The following LIMCH1 variants were observed in gnomAD, a reference collection of about 807,000 sequenced individuals.
The protein encoded by LIMCH1 is LIM and calponin homology domains-containing protein 1.
A neutral mutation model predicts 176.5 loss-of-function variants in LIMCH1; 113 were observed. The ratio of observed to expected loss-of-function variants is 0.64; its 90% confidence interval spans 0.55 to 0.75. The LOEUF (loss-of-function observed/expected upper bound fraction) is 0.75, where lower values mean the gene tolerates loss of function less well. Ranked by LOEUF, LIMCH1 falls within the 30% of genes least tolerant of loss-of-function variation. The pLI is 0.00. For missense variants in LIMCH1, 1,674 were observed against 1,814.9 expected (o/e 0.92, Z 1.41); for synonymous variants, 619 against 645.9 (o/e 0.96, Z 0.63).
In LIMCH1 at chr4:41,631,248, T is replaced by G; in HGVS notation, c.1372T>G (p.Ser458Ala). The change falls in exon 10 of 32, where the codon TCT becomes GCT. Residue 458 changes from serine to alanine, a missense_variant. Physicochemically the swap from Ser to Ala is moderately conservative, Grantham distance 99. Transcript: ENST00000503057. ...CTTTGCCAACCGCAAAGCAAGGGCCTCTAAGAAAGCTTCCAGCCCCAGGCA... is the reference window on the plus strand; with the variant it reads ...CTTTGCCAACCGCAAAGCAAGGGCCGCTAAGAAAGCTTCCAGCCCCAGGCA... ...DDFANRKARA[S>A]KKASSPRQKF... The G allele has an allele frequency of 1.3e-6, 2 of 1,536,098 alleles. No homozygotes were observed. The highest frequency in any genetic ancestry group is 1.7e-6 in the Non-Finnish European group (2 of 1,146,908).
At chr4:41,622,550 CT>C (rs2092661447) in intron 7 of LIMCH1, among the ~76,000 whole-genome samples, 1 of 152,128 alleles carries the variant, frequency 6.6e-6, no homozygotes, top group South Asian at 2.1e-4. Flanking sequence ...ATTCAGCACA[CT>C]CAGGAATAAT....
intron 1 of LIMCH1, among the ~76,000 whole-genome samples, chr4:41,568,858 C>A (rs887177459): frequency 6.6e-6 from 1 of 151,910 alleles, no homozygotes; most frequent in African/African-American, 2.4e-5. Flanking sequence ...GTTATGTGGC[C>A]CATCTTTGTG....
At chr4:41,428,125 G>A (rs1480612577) in intron 1 of LIMCH1, among the ~76,000 whole-genome samples, 2 of 152,162 alleles carry the variant, frequency 1.3e-5, no homozygotes, top group African/African-American at 4.8e-5. Flanking sequence ...TTCAAAGGAG[G>A]GGTGTCGACT....
Position 41,471,919 on chromosome 4 carries a change from A to G in LIMCH1, c.97-22617A>G, listed in dbSNP as rs189358978. On this transcript the variant is annotated intron_variant, in intron 1 of 26. Coordinates refer to the LIMCH1 transcript ENST00000313860. ...CTTCCCTCTTTAATACCCTACTCTCACCGGACTTGTTTCACTTCTCTTGAA... is the reference window on the plus strand; with the variant it reads ...CTTCCCTCTTTAATACCCTACTCTCGCCGGACTTGTTTCACTTCTCTTGAA... Among the ~76,000 whole-genome samples, 95 of 149,168 alleles carry G rather than the reference A, an allele frequency of 6.4e-4. 1 individual carries two copies. Among genetic ancestry groups the G allele is most frequent in the African/African-American group, 1.8e-3 (71 of 40,414 alleles).
chr4:41,641,819 T>A (rs183659345), intron 14 of LIMCH1, among the ~76,000 whole-genome samples: 4 of 152,290 alleles, frequency 2.6e-5, no homozygotes, highest in African/African-American at 7.2e-5. Flanking sequence ...GATTTCAGAT[T>A]TTTGGATTAG....
intron 23 of LIMCH1, among the ~76,000 whole-genome samples, chr4:41,679,139 C>T (rs756872332): frequency 2.6e-5 from 4 of 152,138 alleles, no homozygotes; most frequent in Non-Finnish European, 4.4e-5. Context: ...GTTTCAGCCT[C>T]GAAGAGAGGA....
At chr4:41,430,255 TTATTA>T (rs1275147473) in intron 1 of LIMCH1, among the ~76,000 whole-genome samples, 7 of 152,296 alleles carry the variant, frequency 4.6e-5, no homozygotes, top group African/African-American at 1.7e-4. Flanking sequence ...TTTCTGTATT[TTATTA>T]TATTTATCTA....
At chr4:41,550,263 GATTCAGTCAACAGGTATTA>G (rs1333369664) in intron 1 of LIMCH1, among the ~76,000 whole-genome samples, 1 of 151,024 alleles carries the variant, frequency 6.6e-6, no homozygotes, top group Non-Finnish European at 1.5e-5. Context: ...TTTTCCTATT[GATTCAGTCAACAGGTATTA>G]ATTTAGCACA....
In LIMCH1 at chr4:41,624,647, C is replaced by T. The variant is rs550583914; in HGVS notation, c.726-2061C>T. ...GTTTCCAGTGTCACCCAGGACATTCCCAGGGGGACTAACAGGCTTTTCTGG... is the reference window on the plus strand; with the variant it reads ...GTTTCCAGTGTCACCCAGGACATTCTCAGGGGGACTAACAGGCTTTTCTGG... On this transcript the variant is annotated intron_variant, in intron 7 of 31. Transcript: ENST00000503057. Among the ~76,000 whole-genome samples the T allele has an allele frequency of 3.3e-5, 5 of 151,964 alleles. No homozygotes were observed. In the South Asian group the frequency reaches 1.0e-3, roughly 32 times the overall value.
chr4:41,668,120 T>G (rs2094896461), intron 21 of LIMCH1, among the ~76,000 whole-genome samples: 1 of 152,200 alleles, frequency 6.6e-6, no homozygotes, highest in African/African-American at 2.4e-5. Context: ...ACTTTTCTTT[T>G]TAAGGGTGGG....
Position 41,612,716 on chromosome 4 carries a change from T to C in LIMCH1, c.10-750T>C, listed in dbSNP as rs187543731. ...AGGCTGTCAAAGACAGCCATTGTTC[T>C]CCCTGCTCTGAACATGTGGGTCAGC... is the stretch of plus-strand genomic sequence containing the variant. On this transcript the variant is annotated intron_variant, in intron 4 of 31. Coordinates refer to ENST00000503057, the MANE Select transcript of LIMCH1 (RefSeq NM_001330672.2). 3.5e-5 allele frequency: 24 copies of C among 695,150 alleles called. No homozygotes were observed. In the East Asian group the frequency reaches 6.4e-4, roughly 19 times the overall value. 43.1% of individuals were successfully genotyped at this position (695,150 alleles called of 1,614,324 possible).
chr4:41,644,356 C>A, intron 14 of LIMCH1, 144 bp from the exon 15 acceptor site: 1 of 1,120,708 alleles, frequency 8.9e-7, no homozygotes, highest in Non-Finnish European at 1.2e-6. Context: ...CAGAACACAC[C>A]GCCAGTCACG....
At chr4:41,665,603 C>A (rs146918199) in intron 20 of LIMCH1, among the ~76,000 whole-genome samples, 14 of 152,184 alleles carry the variant, frequency 9.2e-5, no homozygotes, top group African/African-American at 3.4e-4. Context: ...GCCCTGAGGT[C>A]ATTGATCTAT....
At chr4:41,644,651 G>C (rs1212476649) in intron 15 of LIMCH1, 25 bp downstream of exon 15, 1 of 1,589,106 alleles carries the variant, frequency 6.3e-7, no homozygotes, top group Admixed American at 1.7e-5. Flanking sequence ...AGGCGCGCGG[G>C]CAGCGGGGAG....
In LIMCH1 at chr4:41,367,684, C is replaced by CAAAAAAAAAAAAA. The variant is rs35832745; in HGVS notation, c.96+6758_96+6770dup. ...TGAAACCCTGTCTCTACTAAAAATC[C>CAAAAAAAAAAAAA]AAAAAAAAAAAAAAAAAAAAAAGGA... On this transcript the variant is annotated intron_variant, in intron 1 of 26. Coordinates refer to the LIMCH1 transcript ENST00000313860. Among the ~76,000 whole-genome samples, 61 of 96,326 alleles carry CAAAAAAAAAAAAA rather than the reference C, an allele frequency of 6.3e-4. 1 individual carries two copies. Among genetic ancestry groups the CAAAAAAAAAAAAA allele is most frequent in the Middle Eastern group, 7.8e-3 (1 of 128 alleles). 63.2% of individuals were successfully genotyped at this position (96,326 alleles called of 152,430 possible). A position where few individuals can be genotyped will look rare whatever the true frequency, so the allele number is the denominator to read the frequency against.
chr4:41,416,613 A>C (rs1401580478), intron 1 of LIMCH1, among the ~76,000 whole-genome samples: 1 of 150,934 alleles, frequency 6.6e-6, no homozygotes, highest in African/African-American at 2.4e-5. Context: ...AGTCGAGATC[A>C]TGCCACTGCA....
intron 1 of LIMCH1, among the ~76,000 whole-genome samples, chr4:41,560,423 A>G (rs1349375189): frequency 6.6e-6 from 1 of 152,186 alleles, no homozygotes; most frequent in Non-Finnish European, 1.5e-5. Context: ...ATATAAGCAT[A>G]AGGGCACAGT....
At chr4:41,586,551 G>C (rs1316587640) in intron 1 of LIMCH1, among the ~76,000 whole-genome samples, 1 of 152,200 alleles carries the variant, frequency 6.6e-6, no homozygotes, top group African/African-American at 2.4e-5. Flanking sequence ...GAATATGATA[G>C]ATAGTTTAAG....
chr4:41,694,018 G>A (rs1012949069), intron 31 of LIMCH1, among the ~76,000 whole-genome samples: 3 of 152,116 alleles, frequency 2.0e-5, no homozygotes, highest in Non-Finnish European at 4.4e-5. Flanking sequence ...TTTAATTCAA[G>A]ACCAGGAATT....
Sources: gnomAD v4.1 joint callset for allele counts (sites outside exome capture counted in the v4.1 genomes callset) on GRCh38, gnomAD v4.1.1 for gene constraint, MANE v1.5 for transcripts, NCBI Gene and HGNC (gene_info 2026-07-23, HGNC 2026-07-21) for gene names.